Variants in SVIL observed in about 807,000 individuals in gnomAD.
SVIL encodes supervillin, also known as archvillin.
A neutral mutation model predicts 240.4 loss-of-function variants in SVIL; 101 were observed. The ratio of observed to expected loss-of-function variants is 0.42; its 90% CI spans 0.36 to 0.50. The LOEUF is 0.50. Among genes scored for constraint, SVIL ranks in the 20% least tolerant of loss-of-function variants. SVIL has a pLI of 0.01. For synonymous variants in SVIL, 999 were observed against 1,100.0 expected (o/e 0.91, Z 1.82); for missense variants, 2,512 against 2,818.7 (o/e 0.89, Z 2.46).
chr10:29,587,717 G>T (rs559058907), intron 1 of SVIL, among the ~76,000 whole-genome samples: 19 of 152,094 alleles, frequency 1.2e-4, no homozygotes, highest in Non-Finnish European at 2.1e-4. Flanking sequence ...CAGGAACTTA[G>T]GTGGCATATA....
intron 1 of SVIL, among the ~76,000 whole-genome samples, chr10:29,623,966 A>G (rs971662185): frequency 1.3e-5 from 2 of 152,182 alleles, no homozygotes; most frequent in Non-Finnish European, 2.9e-5. Context: ...GTTTGTGGAA[A>G]TGCACTCCAT....
At chr10:29,546,613 TA>T (rs1489965829) in intron 6 of SVIL, among the ~76,000 whole-genome samples, 1 of 152,210 alleles carries the variant, frequency 6.6e-6, no homozygotes, top group African/African-American at 2.4e-5. Flanking sequence ...AATTAATGAT[TA>T]TTCTGTATAT....
Position 29,530,752 on chromosome 10 carries a change from G to A in SVIL, c.2045-84C>T, listed in dbSNP as rs930169345. 11 of 1,439,564 alleles carry A rather than the reference G, an allele frequency of 7.6e-6. No homozygotes were observed. In the Admixed American group the frequency reaches 1.0e-4, roughly 13 times the overall value. The allele number at this position is 1,439,564 out of a possible 1,614,324, so 89.2% of individuals were successfully genotyped here. On this transcript the variant is annotated intron_variant, in intron 10 of 37. Coordinates refer to ENST00000355867, the MANE Select transcript of SVIL (RefSeq NM_021738.3). ...CAAAAAGTCTTTCAGGGCTGACCTG[G>A]AAATCTTTGAATACAACAATAGGTG... is the stretch of plus-strand genomic sequence containing the variant.
At chr10:29,466,572 G>T (rs753309836) in intron 33 of SVIL, among the ~76,000 whole-genome samples, 2 of 152,086 alleles carry the variant, frequency 1.3e-5, no homozygotes, top group Admixed American at 6.6e-5. Flanking sequence ...CTGCATTATT[G>T]TATAAGGGAG....
intron 1 of SVIL, among the ~76,000 whole-genome samples, chr10:29,712,803 G>A (rs1172311788): frequency 1.3e-5 from 2 of 152,178 alleles, no homozygotes; most frequent in Non-Finnish European, 2.9e-5. Context: ...AGTGGTACTA[G>A]TCCCCTCATC....
intron 1 of SVIL, chr10:29,602,473 T>C (rs1220291216): frequency 1.2e-5 from 3 of 257,360 alleles, no homozygotes; most frequent in African/African-American, 6.8e-5. Flanking sequence ...CCTGGGCAGG[T>C]GAAGTGTTCA....
intron 1 of SVIL, among the ~76,000 whole-genome samples, chr10:29,717,458 A>G (rs1026275693): frequency 5.3e-5 from 8 of 152,156 alleles, no homozygotes; most frequent in African/African-American, 1.7e-4. Flanking sequence ...AACTTGAATC[A>G]ATATGTGGAT....
intron 1 of SVIL, among the ~76,000 whole-genome samples, chr10:29,580,483 A>G (rs1465304001): frequency 2.6e-5 from 4 of 152,214 alleles, no homozygotes. Context: ...AATGGACTGC[A>G]TTATTTAATC....
chr10:29,542,675 CAATT>C (rs757582178), intron 6 of SVIL, among the ~76,000 whole-genome samples: 4 of 152,126 alleles, frequency 2.6e-5, no homozygotes, highest in Non-Finnish European at 5.9e-5. Context: ...GTGTCACAAA[CAATT>C]GATTATACTT....
chr10:29,527,648 ATC>A (rs1263782469), intron 12 of SVIL, among the ~76,000 whole-genome samples: 1 of 147,366 alleles, frequency 6.8e-6, no homozygotes, highest in East Asian at 2.0e-4. Flanking sequence ...GATGGTCTTG[ATC>A]TCTTGACCTC....
intron 17 of SVIL, 82 bp from the exon 18 acceptor site, chr10:29,499,345 A>G: frequency 1.3e-6 from 2 of 1,565,070 alleles, no homozygotes; most frequent in Non-Finnish European, 1.7e-6. Flanking sequence ...TTCATGAGTG[A>G]AAAAAGCAGG....
At position 29,530,697 on chromosome 10, in the gene SVIL, A is replaced by T. The variant is rs1589133877; in HGVS notation, c.2045-29T>A. ...CAAAAAGCCACAAATTAAAAACTGGACATCATTAGAGAAGGTTAAGTTCGG... is the reference window on the plus strand; with the variant it reads ...CAAAAAGCCACAAATTAAAAACTGGTCATCATTAGAGAAGGTTAAGTTCGG... On this transcript the variant is annotated intron_variant, in intron 10 of 37. Coordinates refer to ENST00000355867, the MANE Select transcript of SVIL (RefSeq NM_021738.3). 5.0e-6 allele frequency: 8 copies of T among 1,613,782 alleles called. No individual in the cohort carries two copies. The East Asian group carries it at 1.8e-4, about 36-fold the overall frequency.
intron 1 of SVIL, among the ~76,000 whole-genome samples, chr10:29,694,877 G>A (rs75868121): frequency 6.6e-6 from 1 of 152,326 alleles, no homozygotes; most frequent in East Asian, 1.9e-4. Flanking sequence ...TAAACAGCCC[G>A]AGGGACAGAA....
At chr10:29,524,127 G>A (rs1418826252) in intron 14 of SVIL, 100 bp from the exon 15 acceptor site, 1 of 1,215,432 alleles carries the variant, frequency 8.2e-7, no homozygotes, top group Non-Finnish European at 1.1e-6. Flanking sequence ...TCGATTTGAT[G>A]CAGTTTCACT....
intron 1 of SVIL, among the ~76,000 whole-genome samples, chr10:29,609,404 T>C (rs993475883): frequency 1.3e-5 from 2 of 152,088 alleles, no homozygotes; most frequent in African/African-American, 4.8e-5. Context: ...GAAACAGCAG[T>C]GGGGCTGGTC....
chr10:29,524,379 C>A, intron 14 of SVIL, 93 bp downstream of exon 14: 1 of 1,563,754 alleles, frequency 6.4e-7, no homozygotes, highest in Non-Finnish European at 8.7e-7. Flanking sequence ...TGGTAGAGCA[C>A]CTTAATTACA....
intron 11 of SVIL, 90 bp from the exon 12 acceptor site, chr10:29,529,934 G>T: frequency 7.4e-7 from 1 of 1,344,642 alleles, no homozygotes; most frequent in Non-Finnish European, 9.9e-7. Context: ...ACTTTGGGAG[G>T]CTAAGGAGGG....
intron 2 of SVIL, among the ~76,000 whole-genome samples, chr10:29,661,126 C>T (rs533777376): frequency 6.7e-6 from 1 of 149,900 alleles, no homozygotes; most frequent in South Asian, 2.1e-4. Context: ...GAGATTGCGC[C>T]ACTGCACTCT....
intron 13 of SVIL, among the ~76,000 whole-genome samples, chr10:29,526,075 C>T (rs1204357226): frequency 1.3e-5 from 2 of 152,132 alleles, no homozygotes; most frequent in East Asian, 3.9e-4. Flanking sequence ...AATTTTAAAG[C>T]ACCACAATCT....
Sources: gnomAD v4.1 joint callset for allele counts (sites outside exome capture counted in the v4.1 genomes callset) on GRCh38, gnomAD v4.1.1 for gene constraint, MANE v1.5 for transcripts, NCBI Gene and HGNC (gene_info 2026-07-23, HGNC 2026-07-21) for gene names.